NARS2: variants seen among roughly 807,000 people sequenced by gnomAD.
NARS2 encodes asparaginyl-tRNA synthetase 2, mitochondrial, also known as asparaginyl-tRNA synthetase.
In NARS2, 60 loss-of-function variants were observed where a neutral mutation model predicts 62.9. The observed-to-expected ratio is 0.95, with a 90% CI of 0.77 to 1.18. The LOEUF (loss-of-function observed/expected upper bound fraction) is 1.18. NARS2 is among the 50% of genes most tolerant of loss of function. The pLI is 0.00. For synonymous variants in NARS2, 196 were observed against 200.0 expected, an observed-to-expected ratio of 0.98 and a Z score of 0.17; for missense variants, 619 against 576.4, an observed-to-expected ratio of 1.07 and a Z score of -0.76.
intron 5 of NARS2, among the ~76,000 whole-genome samples, chr11:78,552,705 G>A (rs1169928579): frequency 2.6e-5 from 4 of 152,038 alleles, no homozygotes; most frequent in Non-Finnish European, 5.9e-5. Context: ...TCCCCACTTC[G>A]AGTTCTCCCA....
At position 78,436,440 on chromosome 11, in the gene NARS2, G is replaced by C. The variant is rs976505095; in HGVS notation, c.*230C>G. 4.3e-6 allele frequency: 2 copies of C among 462,036 alleles called. No homozygotes were observed. The highest frequency in any genetic ancestry group is 7.1e-5 in the East Asian group (2 of 28,150). 28.6% of individuals were successfully genotyped at this position (462,036 alleles called of 1,614,324 possible). ...TTCTTAATTGAGGTAATGGATTTGAGAGTCCCCTTGCTATAAGTACCTCTT... is the reference window on the plus strand; with the variant it reads ...TTCTTAATTGAGGTAATGGATTTGACAGTCCCCTTGCTATAAGTACCTCTT... On this transcript the variant is annotated 3_prime_UTR_variant, in exon 14 of 14. Transcript: ENST00000281038.
chr11:78,550,198 T>C (rs1189227971), intron 5 of NARS2, among the ~76,000 whole-genome samples: 1 of 152,208 alleles, frequency 6.6e-6, no homozygotes, highest in Non-Finnish European at 1.5e-5. Flanking sequence ...CAGGCCACTT[T>C]TAATCAGCAT....
intron 13 of NARS2, among the ~76,000 whole-genome samples, chr11:78,440,823 G>A (rs1446933860): frequency 1.3e-5 from 2 of 152,178 alleles, no homozygotes; most frequent in African/African-American, 4.8e-5. Context: ...GTGAGCCACT[G>A]CGCCCAGCCA....
At chr11:78,524,635 A>G (rs1861234544) in intron 6 of NARS2, among the ~76,000 whole-genome samples, 1 of 152,054 alleles carries the variant, frequency 6.6e-6, no homozygotes, top group African/African-American at 2.4e-5. Context: ...CCACTTATAA[A>G]TTATATTCAT....
chr11:78,527,097 C>T (rs965848153), intron 6 of NARS2, among the ~76,000 whole-genome samples: 1 of 152,186 alleles, frequency 6.6e-6, no homozygotes, highest in Non-Finnish European at 1.5e-5. Flanking sequence ...TTGCAAATAA[C>T]TCTACCAGGT....
At chr11:78,537,807 C>T (rs1026689644) in intron 5 of NARS2, among the ~76,000 whole-genome samples, 7 of 152,308 alleles carry the variant, frequency 4.6e-5, no homozygotes, top group South Asian at 2.1e-4. Flanking sequence ...CTAATACGTA[C>T]GTACATACAT....
chr11:78,505,086 C>T (rs1426974466), intron 6 of NARS2, among the ~76,000 whole-genome samples: 1 of 151,090 alleles, frequency 6.6e-6, no homozygotes, highest in Non-Finnish European at 1.5e-5. Flanking sequence ...ACTAAATTTT[C>T]TGAATTCATA....
At chr11:78,528,036 A>G (rs972708845) in intron 6 of NARS2, among the ~76,000 whole-genome samples, 2 of 152,164 alleles carry the variant, frequency 1.3e-5, no homozygotes, top group African/African-American at 4.8e-5. Context: ...ACTTGAGCCT[A>G]GAGTTTGAGA....
intron 11 of NARS2, among the ~76,000 whole-genome samples, chr11:78,446,774 T>C (rs756812891): frequency 1.3e-5 from 2 of 152,120 alleles, no homozygotes; most frequent in Non-Finnish European, 2.9e-5. Flanking sequence ...TCTATGACAT[T>C]AGTCTGGGCA....
chr11:78,540,258 T>C (rs1433876214), intron 5 of NARS2, among the ~76,000 whole-genome samples: 1 of 152,228 alleles, frequency 6.6e-6, no homozygotes. Flanking sequence ...TCCTCCCTGT[T>C]TCTTTGAGGA....
chr11:78,479,709 A>C (rs1435837740), intron 7 of NARS2, among the ~76,000 whole-genome samples: 1 of 152,238 alleles, frequency 6.6e-6, no homozygotes, highest in East Asian at 1.9e-4. Context: ...GCACATATGT[A>C]TAAAGTAGAG....
At chr11:78,567,511 G>T (rs1399505934) in intron 3 of NARS2, among the ~76,000 whole-genome samples, 2 of 152,134 alleles carry the variant, frequency 1.3e-5, no homozygotes, top group Non-Finnish European at 2.9e-5. Flanking sequence ...AACTACTACA[G>T]TGAAACACAC....
chr11:78,495,509 A>G (rs970895906), intron 6 of NARS2, among the ~76,000 whole-genome samples: 4 of 152,092 alleles, frequency 2.6e-5, no homozygotes, highest in African/African-American at 9.7e-5. Context: ...TATCTAAGTT[A>G]TTTTTCTCCC....
At chr11:78,499,104 G>A (rs1860185122) in intron 6 of NARS2, among the ~76,000 whole-genome samples, 1 of 151,722 alleles carries the variant, frequency 6.6e-6, no homozygotes, top group African/African-American at 2.4e-5. Flanking sequence ...TTTCAGTAGA[G>A]ACGGGGTTTC....
intron 5 of NARS2, among the ~76,000 whole-genome samples, chr11:78,550,422 T>C (rs1188117388): frequency 6.6e-6 from 1 of 152,222 alleles, no homozygotes; most frequent in Non-Finnish European, 1.5e-5. Flanking sequence ...GGTCAGCTCA[T>C]CAGAATACAT....
intron 5 of NARS2, among the ~76,000 whole-genome samples, chr11:78,537,055 A>G (rs951121562): frequency 2.0e-5 from 3 of 152,190 alleles, no homozygotes; most frequent in Non-Finnish European, 4.4e-5. Context: ...AGACTAGACC[A>G]TACAGCCTAG....
At position 78,435,984 on chromosome 11, in the gene NARS2, CTATTT is replaced by C. The variant is rs1028035352; in HGVS notation, c.*681_*685del. ...TTCCATAGGTGTCTATTAAAAAAATCTATTTTATTAGACAAATTATAAACATCAAA... is the reference window on the plus strand; with the variant it reads ...TTCCATAGGTGTCTATTAAAAAAATCTATTAGACAAATTATAAACATCAAA... On this transcript the variant is annotated 3_prime_UTR_variant, in exon 14 of 14. Transcript: ENST00000281038. The C allele has an allele frequency of 1.4e-4, 22 of 152,116 alleles. No homozygotes were observed. The highest frequency in any genetic ancestry group is 2.6e-4 in the Admixed American group (4 of 15,284). The allele number at this position is 152,116 out of a possible 1,614,324, so 9.4% of individuals were successfully genotyped here.
At chr11:78,513,361 T>G (rs1373643832) in intron 6 of NARS2, among the ~76,000 whole-genome samples, 2 of 124,312 alleles carry the variant, frequency 1.6e-5, no homozygotes, top group Non-Finnish European at 3.7e-5. Context: ...TTTTTTTTTG[T>G]ACCTATTAAC....
In NARS2 at chr11:78,487,460, T is replaced by C. The variant is rs111950145; in HGVS notation, c.822+5603A>G. On this transcript the variant is annotated intron_variant, in intron 7 of 13. Transcript: ENST00000281038. ...TAATAAGCAGAGCATCACAGCACCA[T>C]GGGACAATATCAAAAGGTTTTACAT... Among the ~76,000 whole-genome samples the C allele has an allele frequency of 2.5e-3, 370 of 150,716 alleles. 1 individual carries two copies. Among genetic ancestry groups the C allele is most frequent in the African/African-American group, 8.2e-3 (335 of 40,988 alleles).
Sources: gnomAD v4.1 joint callset for allele counts (sites outside exome capture counted in the v4.1 genomes callset) on GRCh38, gnomAD v4.1.1 for gene constraint, MANE v1.5 for transcripts, NCBI Gene and HGNC (gene_info 2026-07-23, HGNC 2026-07-21) for gene names.